Variants in PACS1 observed in about 807,000 individuals in gnomAD.
PACS1 encodes PACS-1.
In PACS1, 24 loss-of-function variants were observed where a neutral mutation model predicts 115.0. The ratio of observed to expected loss-of-function variants is 0.21; its 90% CI spans 0.15 to 0.29. The LOEUF (loss-of-function observed/expected upper bound fraction) is 0.29. Among genes scored for constraint, PACS1 ranks in the 10% least tolerant of loss-of-function variants. The pLI is 1.00. For missense variants in PACS1, 838 were observed against 1,251.2 expected, an observed-to-expected ratio of 0.67 and a Z score of 4.98; for synonymous variants, 453 against 504.5, an observed-to-expected ratio of 0.90 and a Z score of 1.37.
At chr11:66,241,273 C>T in intron 21 of PACS1, 154 bp from the exon 22 acceptor site, 1 of 577,080 alleles carries the variant, frequency 1.7e-6, no homozygotes, top group Non-Finnish European at 3.1e-6. Flanking sequence ...ATTCTCCTCT[C>T]CTACATGAGC....
intron 10 of PACS1, among the ~76,000 whole-genome samples, chr11:66,226,578 T>C (rs1220993495): frequency 6.6e-6 from 1 of 152,072 alleles, no homozygotes; most frequent in Non-Finnish European, 1.5e-5. Context: ...GGAACCCTGG[T>C]TTAGAGTGTG....
At chr11:66,083,037 C>T (rs1590731853) in intron 1 of PACS1, among the ~76,000 whole-genome samples, 2 of 152,276 alleles carry the variant, frequency 1.3e-5, no homozygotes, top group South Asian at 4.1e-4. Context: ...CTTTAAATCA[C>T]AGGCGATGGA....
intron 21 of PACS1, 74 bp from the exon 22 acceptor site, chr11:66,241,353 C>G (rs1421289465): frequency 8.4e-7 from 1 of 1,191,338 alleles, no homozygotes; most frequent in Non-Finnish European, 1.2e-6. Flanking sequence ...CTGGCATGGC[C>G]CCTACCCCAT....
chr11:66,092,344 C>A (rs1228235564), intron 1 of PACS1, among the ~76,000 whole-genome samples: 2 of 151,998 alleles, frequency 1.3e-5, no homozygotes, highest in Admixed American at 1.3e-4. Flanking sequence ...CTGTTCATGT[C>A]CTTCGCCCAC....
chr11:66,076,333 C>T (rs1857396822), intron 1 of PACS1, among the ~76,000 whole-genome samples: 3 of 152,134 alleles, frequency 2.0e-5, no homozygotes, highest in Admixed American at 6.5e-5. Flanking sequence ...AGGGCGGGTA[C>T]GCCTCAGAAA....
At chr11:66,147,496 C>T (rs753306666) in intron 1 of PACS1, among the ~76,000 whole-genome samples, 4 of 151,944 alleles carry the variant, frequency 2.6e-5, no homozygotes, top group Non-Finnish European at 5.9e-5. Flanking sequence ...GAACATTCTC[C>T]TGGTAAGAGG....
At chr11:66,213,178 T>G (rs1045453028) in intron 4 of PACS1, among the ~76,000 whole-genome samples, 1 of 152,188 alleles carries the variant, frequency 6.6e-6, no homozygotes, top group Non-Finnish European at 1.5e-5. Flanking sequence ...TGTAGTAAGA[T>G]AGTGCTTTTC....
In PACS1 at chr11:66,235,779, A is replaced by G; in HGVS notation, c.2208-119A>G. On this transcript the variant is annotated intron_variant, in intron 18 of 23. Transcript: ENST00000320580. The surrounding 1 kb of genome is among the most constrained non-coding windows in gnomAD (Gnocchi z 5.6). ...CATGCCACCCCAGGATGTGATGGGC[A>G]GAGGCAGCCCAGCATCCTGGACTCT... is the stretch of plus-strand genomic sequence containing the variant. 1 of 869,268 alleles carries G rather than the reference A, an allele frequency of 1.2e-6. No individual in the cohort carries two copies. The highest frequency in any genetic ancestry group is 2.0e-6 in the Non-Finnish European group (1 of 503,372). The allele number at this position is 869,268 out of a possible 1,614,324, so 53.8% of individuals were successfully genotyped here.
At chr11:66,205,041 A>G (rs1213801466) in intron 2 of PACS1, among the ~76,000 whole-genome samples, 5 of 152,040 alleles carry the variant, frequency 3.3e-5, no homozygotes, top group African/African-American at 7.2e-5. Flanking sequence ...CTGCAGTGCA[A>G]TGGCGCAATC....
At chr11:66,142,412 C>T (rs1859014091) in intron 1 of PACS1, among the ~76,000 whole-genome samples, 1 of 151,894 alleles carries the variant, frequency 6.6e-6, no homozygotes, top group African/African-American at 2.4e-5. Context: ...GCCACCTGAT[C>T]CTCACGCCTG....
chr11:66,156,207 TATATATA>T (rs1859351247), intron 1 of PACS1, among the ~76,000 whole-genome samples: 26 of 2,108 alleles, frequency 0.012, no homozygotes, highest in Non-Finnish European at 0.018. Context: ...TTTTAAATTA[TATATATA>T]TATATATATA....
At chr11:66,159,308 A>T (rs1394255910) in intron 1 of PACS1, among the ~76,000 whole-genome samples, 1 of 152,120 alleles carries the variant, frequency 6.6e-6, no homozygotes, top group African/African-American at 2.4e-5. Context: ...GTGGTGGCAC[A>T]TGCCTGTAAT....
rs763060572 is a variant in PACS1, at chr11:66,216,507, G to A, written c.806-13G>A. 18 of 1,606,246 alleles carry A rather than the reference G, an allele frequency of 1.1e-5. No homozygotes were observed. Among genetic ancestry groups the A allele is most frequent in the Admixed American group, 6.7e-5 (4 of 60,012 alleles). Reference sequence around the variant, plus strand: ...CCCATTGCAAGGTTATCTTACTCAGGTGTCTGTTGCAGATCGTTCTCCTGA... The same window carrying A: ...CCCATTGCAAGGTTATCTTACTCAGATGTCTGTTGCAGATCGTTCTCCTGA... On this transcript the variant is annotated splice_polypyrimidine_tract_variant and intron_variant, in intron 5 of 23. Transcript: ENST00000320580.
intron 1 of PACS1, among the ~76,000 whole-genome samples, chr11:66,131,801 A>G (rs1372763967): frequency 6.6e-6 from 1 of 152,090 alleles, no homozygotes; most frequent in African/African-American, 2.4e-5. Context: ...TTTTCTTCTA[A>G]TTAGGTTTAT....
Position 66,134,491 on chromosome 11 carries a change from C to T in PACS1, c.357-58995C>T, listed in dbSNP as rs115755947. Among the ~76,000 whole-genome samples the T allele has an allele frequency of 3.8e-3, 582 of 151,934 alleles. 3 individuals are homozygous for T. Among genetic ancestry groups the T allele is most frequent in the African/African-American group, 0.013 (549 of 41,448 alleles). ...CCCTACTTCTAGGATCCAAATGACACGCTACGTATCGTTGCCATTTCTGAT... is the reference window on the plus strand; with the variant it reads ...CCCTACTTCTAGGATCCAAATGACATGCTACGTATCGTTGCCATTTCTGAT... On this transcript the variant is annotated intron_variant, in intron 1 of 23. Coordinates refer to ENST00000320580, the MANE Select transcript of PACS1 (RefSeq NM_018026.4).
chr11:66,216,894 A>G, intron 7 of PACS1, 119 bp downstream of exon 7: 1 of 610,424 alleles, frequency 1.6e-6, no homozygotes, highest in East Asian at 3.6e-5. Flanking sequence ...CATCCCTTCA[A>G]CGATTCCAAT....
At chr11:66,150,397 A>G (rs963787211) in intron 1 of PACS1, among the ~76,000 whole-genome samples, 10 of 151,942 alleles carry the variant, frequency 6.6e-5, no homozygotes, top group Non-Finnish European at 1.5e-5. Flanking sequence ...AACAGATTCT[A>G]TTTCTAGGAA....
chr11:66,111,534 C>T (rs1858186081), intron 1 of PACS1, among the ~76,000 whole-genome samples: 1 of 152,228 alleles, frequency 6.6e-6, no homozygotes, highest in South Asian at 2.1e-4. Context: ...TCTTGATTCT[C>T]TCCACAACGC....
rs1855647611 is a variant in PACS1 at position 66,233,717 on chromosome 11, T to C, written c.1839-68T>C. The C allele has an allele frequency of 1.3e-6, 2 of 1,491,234 alleles. No homozygotes were observed. Among genetic ancestry groups the C allele is most frequent in the East Asian group, 4.6e-5 (2 of 43,486 alleles). The allele number at this position is 1,491,234 out of a possible 1,614,324, so 92.4% of individuals were successfully genotyped here. A position where few individuals can be genotyped will look rare whatever the true frequency, so the allele number is the denominator to read the frequency against. ...GTTGTTGAGATCACAGAAAGTCAGC[T>C]CTGGGCCTCCCCCGGGCAGGATCCT... On this transcript the variant is annotated intron_variant, in intron 15 of 23. Transcript: ENST00000320580. The surrounding 1 kb of genome is among the most constrained non-coding windows in gnomAD (Gnocchi z 4.5).
Sources: allele counts gnomAD v4.1 joint callset (sites outside exome capture counted in the v4.1 genomes callset), GRCh38; gene constraint gnomAD v4.1.1; non-coding constraint Gnocchi (gnomAD v3.1); transcripts MANE v1.5; gene names NCBI Gene and HGNC (gene_info 2026-07-23, HGNC 2026-07-21).